Variants in TH observed in about 807,000 individuals in gnomAD.
The protein encoded by TH is tyrosine hydroxylase, also known as tyrosine 3-monooxygenase.
In TH, 49 loss-of-function variants were observed where a neutral mutation model predicts 57.4. The observed-to-expected ratio is 0.85, with a 90% CI of 0.68 to 1.08. The LOEUF (loss-of-function observed/expected upper bound fraction) is 1.08. TH is among the 50% of genes least tolerant of loss of function. The probability of loss-of-function intolerance (pLI) is 0.00; values close to 1 mark genes in which losing one functional copy is unlikely to be tolerated. For synonymous variants in TH, 330 were observed against 304.5 expected (o/e 1.08, Z -0.87); for missense variants, 720 against 696.7 (o/e 1.03, Z -0.38).
rs561287298 is a variant in TH, at chr11:2,170,905, C to T, written c.90+792G>A. 62 of 607,786 alleles carry T rather than the reference C, an allele frequency of 1.0e-4. No homozygotes were observed. The highest frequency in any genetic ancestry group is 9.6e-4 in the African/African-American group (52 of 54,040). The allele number at this position is 607,786 out of a possible 1,614,324, so 37.6% of individuals were successfully genotyped here. On this transcript the variant is annotated intron_variant, in intron 1 of 12. Transcript: ENST00000352909. The surrounding 1 kb of genome is among the most constrained non-coding windows in gnomAD (Gnocchi z 6.0). ...GCTACAACTCACACCACATTTCAATCAAGGTCCATAAATAAAAACCCATTT... is the reference window on the plus strand; with the variant it reads ...GCTACAACTCACACCACATTTCAATTAAGGTCCATAAATAAAAACCCATTT...
At chr11:2,169,332 C>G (rs1409199255) in intron 2 of TH, among the ~76,000 whole-genome samples, 4 of 152,174 alleles carry the variant, frequency 2.6e-5, no homozygotes, top group Admixed American at 1.3e-4. Context: ...CCTGCCCCTG[C>G]CTCTTGTGCT....
chr11:2,165,469 C>A, intron 11 of TH, 104 bp from the exon 12 acceptor site: 1 of 1,537,114 alleles, frequency 6.5e-7, no homozygotes, highest in Non-Finnish European at 8.9e-7. Context: ...GTAGAGTCAC[C>A]CCCATCTCCC....
Position 2,166,715 on chromosome 11 carries a change from A to C in TH, c.895T>G (p.Phe299Val). The C allele has an allele frequency of 6.4e-7, 1 of 1,552,166 alleles. No individual in the cohort carries two copies. The highest frequency in any genetic ancestry group is 8.7e-7 in the Non-Finnish European group (1 of 1,147,988). The part of the protein sequence containing the change: ...PVAGLLSARD[F>V]LASLAFRVFQ... ...ACGCGGAAGGCCAGGCTGGCCAGGA[A>C]GTCCCGGGCGGACAGCAGGCCGGCC... The change falls in exon 8 of 13, where the codon TTC (phenylalanine) becomes GTC (valine). Residue 299 changes from phenylalanine to valine, a missense_variant. Transcript: ENST00000352909.
Position 2,167,931 on chromosome 11 carries a change from G to A in TH, c.579C>T (p.Gly193=), listed in dbSNP as rs147852210. The change falls in exon 5 of 13, where the codon GGC becomes GGT. Residue 193 remains glycine, a splice_region_variant and synonymous_variant. Transcript: ENST00000352909. ...FDPDLDLDHP[G]FSDQVYRQRR... ...GCTGGCGGTACACCTGGTCCGAGAA[G>A]CCCTGAGGGCAGAGGGGATGCACGG... The A allele has an allele frequency of 8.7e-4, 1,395 of 1,611,654 alleles. 13 individuals carry two copies. The African/African-American group carries it at 0.017, about 19-fold the overall frequency.
intron 12 of TH, among the ~76,000 whole-genome samples, chr11:2,164,751 G>A (rs1158623371): frequency 6.6e-6 from 1 of 152,116 alleles, no homozygotes; most frequent in Non-Finnish European, 1.5e-5. Flanking sequence ...TTTCCCCAGT[G>A]CATAAGAGGC....
rs775961364 is a variant in TH at position 2,170,763 on chromosome 11, G to C, written c.91-892C>G. The C allele has an allele frequency of 6.4e-7, 1 of 1,570,248 alleles. No individual in the cohort carries two copies. Among genetic ancestry groups the C allele is most frequent in the South Asian group, 1.2e-5 (1 of 86,392 alleles). On this transcript the variant is annotated intron_variant, in intron 1 of 12. Transcript: ENST00000352909. This position sits in a 1 kb window ranked among gnomAD's most constrained non-coding sequence, Gnocchi z 6.0. ...CGGAGAGCCTGTGAGGCTGGGCCCCGGGGCGCCCTGGGGAGGGGATGCCTG... is the reference window on the plus strand; with the variant it reads ...CGGAGAGCCTGTGAGGCTGGGCCCCCGGGCGCCCTGGGGAGGGGATGCCTG...
At chr11:2,167,771 A>T in intron 5 of TH, 95 bp downstream of exon 5, 2 of 1,416,982 alleles carry the variant, frequency 1.4e-6, no homozygotes, top group Non-Finnish European at 1.9e-6. Context: ...GCTGGTGACA[A>T]GATGGGTCCT....
chr11:2,168,717 G>A, intron 2 of TH, 52 bp from the exon 3 acceptor site: 1 of 964,068 alleles, frequency 1.0e-6, no homozygotes, highest in Non-Finnish European at 1.5e-6. Flanking sequence ...GACAGAGATG[G>A]AGAGAGAGGG....
At position 2,167,926 on chromosome 11, in the gene TH, G is replaced by C; in HGVS notation, c.584C>G (p.Ser195Trp). ...PDLDLDHPGFSDQVYRQRRKL... is the reference protein window; with the variant it reads ...PDLDLDHPGFWDQVYRQRRKL... ...CCTGCGCTGGCGGTACACCTGGTCC[G>C]AGAAGCCCTGAGGGCAGAGGGGATG... The change falls in exon 5 of 13, where the codon TCG (serine) becomes TGG (tryptophan). Residue 195 changes from serine (S) to tryptophan (W), a missense_variant. Transcript: ENST00000352909. The C allele has an allele frequency of 1.9e-6, 3 of 1,611,490 alleles. No homozygotes were observed. Among genetic ancestry groups the C allele is most frequent in the Non-Finnish European group, 2.5e-6 (3 of 1,179,386 alleles).
chr11:2,169,625 A>G (rs767569267), intron 2 of TH, 25 bp downstream of exon 2: 21 of 1,610,932 alleles, frequency 1.3e-5, no homozygotes, highest in African/African-American at 5.3e-5. Context: ...AACTTGCCCC[A>G]GGGACACGAA....
intron 7 of TH, 50 bp downstream of exon 7, chr11:2,166,837 G>A: frequency 1.3e-6 from 2 of 1,575,456 alleles, no homozygotes; most frequent in Non-Finnish European, 1.7e-6. Flanking sequence ...GGGGCGCTTG[G>A]CTGACCATCC....
Position 2,168,185 on chromosome 11 carries a change from T to C in TH, c.488-6A>G, listed in dbSNP as rs1217909030. 3 of 1,613,022 alleles carry C rather than the reference T, an allele frequency of 1.9e-6. No homozygotes were observed. Among genetic ancestry groups the C allele is most frequent in the East Asian group, 2.2e-5 (1 of 44,880 alleles). Reference sequence around the variant, plus strand: ...TTTTCTTGGGAACCAGGGGACTTTATGGGTGATGGAGGAAGAGATCTTGGT... The same window carrying C: ...TTTTCTTGGGAACCAGGGGACTTTACGGGTGATGGAGGAAGAGATCTTGGT... On this transcript the variant is annotated splice_region_variant and splice_polypyrimidine_tract_variant and intron_variant, in intron 3 of 12. Coordinates refer to ENST00000352909, the MANE Select transcript of TH (RefSeq NM_000360.4).
intron 8 of TH, 34 bp downstream of exon 8, chr11:2,166,599 C>A (rs761823684): frequency 5.1e-6 from 8 of 1,583,706 alleles, no homozygotes; most frequent in East Asian, 2.3e-5. Flanking sequence ...TCGCACCCCC[C>A]ACCCTCGGGC....
At chr11:2,165,497 G>T (rs1208915311) in intron 11 of TH, 132 bp from the exon 12 acceptor site, 3 of 1,453,542 alleles carry the variant, frequency 2.1e-6, no homozygotes, top group South Asian at 1.2e-5. Flanking sequence ...GCCTTCGGAG[G>T]CCTGGGATAA....
intron 11 of TH, 79 bp downstream of exon 11, chr11:2,165,589 A>T: frequency 6.7e-7 from 1 of 1,488,050 alleles, no homozygotes. Flanking sequence ...GTTTCCTCCC[A>T]CTGGGAGCCT....
At chr11:2,168,740 G>GGGGGGGT in intron 2 of TH, 75 bp from the exon 3 acceptor site, 1 of 448,218 alleles carries the variant, frequency 2.2e-6, no homozygotes, top group Admixed American at 2.5e-5. Context: ...GGGTGGGCGG[G>GGGGGGGT]GAGGAGGCAC....
Position 2,171,347 on chromosome 11 carries a change from C to T in TH, c.90+350G>A, listed in dbSNP as rs953504762. Among the ~76,000 whole-genome samples, 4 of 151,982 alleles carry T rather than the reference C, an allele frequency of 2.6e-5. No individual in the cohort carries two copies. The highest frequency in any genetic ancestry group is 6.6e-5 in the Admixed American group (1 of 15,262). ...TAGGGTGGGGGCTGGGTGCAGCAGC[C>T]GGGGACCTCTGGCCATCTTGGATTT... On this transcript the variant is annotated intron_variant, in intron 1 of 12. Coordinates refer to ENST00000352909, the MANE Select transcript of TH (RefSeq NM_000360.4). This position sits in a 1 kb window ranked among gnomAD's most constrained non-coding sequence, Gnocchi z 8.6.
intron 10 of TH, 47 bp from the exon 11 acceptor site, chr11:2,165,810 C>T (rs780902992): frequency 2.0e-5 from 31 of 1,583,016 alleles, no homozygotes; most frequent in Non-Finnish European, 2.5e-5. Flanking sequence ...CTGCCGCCCA[C>T]CGGGCAGCCC....
At position 2,166,993 on chromosome 11, in the gene TH, C is replaced by G; in HGVS notation, c.735G>C (p.Thr245=). The change falls in exon 7 of 13, where the codon ACG becomes ACC. Residue 245 remains threonine (T), a synonymous_variant. Transcript: ENST00000352909. ...CCTCCAGGTGCTCCCCGCAGGCGTG[C>G]GTGGCGTAGAGGCCCTTCAGCGTGG... ...VYTTLKGLYA[T]HACGEHLEAF... 1 of 1,589,854 alleles carries G rather than the reference C, an allele frequency of 6.3e-7. No homozygotes were observed. Among genetic ancestry groups the G allele is most frequent in the Admixed American group, 1.8e-5 (1 of 56,896 alleles).
Sources: allele counts gnomAD v4.1 joint callset (sites outside exome capture counted in the v4.1 genomes callset), GRCh38; gene constraint gnomAD v4.1.1; non-coding constraint Gnocchi (gnomAD v3.1); transcripts MANE v1.5; gene names NCBI Gene and HGNC (gene_info 2026-07-23, HGNC 2026-07-21).